COL4A6: variants seen among roughly 807,000 people sequenced by gnomAD.
The protein encoded by COL4A6 is collagen type IV alpha 6 chain.
COL4A6 carries 59 observed loss-of-function variants against 126.7 expected under a neutral mutation model. That is an observed-to-expected ratio of 0.47 (90% CI 0.38 to 0.58). The LOEUF is 0.58. Among genes scored for constraint, COL4A6 ranks in the 20% least tolerant of loss-of-function variants. COL4A6 has a pLI of 0.00. For synonymous variants in COL4A6, 547 were observed against 496.6 expected, an observed-to-expected ratio of 1.10 and a Z score of -1.35; for missense variants, 1,285 against 1,337.3, an observed-to-expected ratio of 0.96 and a Z score of 0.61.
Position 108,206,513 on chromosome X carries a change from C to G in COL4A6, c.609+5G>C. ...GATCACAAACTAGGCTTAAATTGAT[C>G]TTACTTGTAATCCTGGTGGTCCTGC... is the stretch of plus-strand genomic sequence containing the variant. On this transcript the variant is annotated splice_donor_5th_base_variant and intron_variant, in intron 9 of 44. Transcript: ENST00000334504. 8.3e-7 allele frequency: 1 copy of G among 1,208,058 alleles called. No homozygotes were observed. The highest frequency in any genetic ancestry group is 1.1e-6 in the Non-Finnish European group (1 of 892,436).
chrX:108,213,884 T>TA (rs771228812), intron 6 of COL4A6: 200 of 338,057 alleles, frequency 5.9e-4, no homozygotes, highest in Non-Finnish European at 6.4e-4. Context: ...CAAGCTGCAT[T>TA]AAAAAAAAGG....
At chrX:108,429,847 T>C in intron 2 of COL4A6, among the ~76,000 whole-genome samples, 1 of 111,964 alleles carries the variant, frequency 8.9e-6, no homozygotes, top group Middle Eastern at 4.6e-3. Context: ...TATTTTTCCA[T>C]CAATTCAATT....
chrX:108,349,063 T>C (rs148835070), intron 2 of COL4A6, among the ~76,000 whole-genome samples: 1 of 111,566 alleles, frequency 9.0e-6, no homozygotes, highest in African/African-American at 3.3e-5. Flanking sequence ...ACCATGGAAA[T>C]TGGCAAAAGC....
At chrX:108,278,036 T>C (rs2037669753) in intron 3 of COL4A6, among the ~76,000 whole-genome samples, 2 of 111,010 alleles carry the variant, frequency 1.8e-5, no homozygotes, top group South Asian at 3.8e-4. Context: ...ACCACAAAGA[T>C]GGGGAAAAAA....
chrX:108,305,473 C>T (rs2038603645), intron 3 of COL4A6, among the ~76,000 whole-genome samples: 1 of 111,395 alleles, frequency 9.0e-6, no homozygotes, highest in Non-Finnish European at 1.9e-5. Flanking sequence ...ATGGGGGAGC[C>T]ATTGAAGGAC....
chrX:108,277,478 G>A (rs2037643613), intron 3 of COL4A6, among the ~76,000 whole-genome samples: 1 of 112,567 alleles, frequency 8.9e-6, no homozygotes, highest in Non-Finnish European at 1.9e-5. Context: ...GGTAAACAAA[G>A]CAGCCCTGAA....
At chrX:108,253,753 C>A (rs1007106142) in intron 3 of COL4A6, among the ~76,000 whole-genome samples, 2 of 111,790 alleles carry the variant, frequency 1.8e-5, no homozygotes, top group African/African-American at 6.5e-5. Context: ...GGAACGTATC[C>A]ATAACCCCTA....
intron 3 of COL4A6, among the ~76,000 whole-genome samples, chrX:108,257,485 G>A (rs778170072): frequency 9.0e-6 from 1 of 111,657 alleles, no homozygotes; most frequent in East Asian, 2.8e-4. Flanking sequence ...GAATACTAAG[G>A]TAGACCCATT....
intron 44 of COL4A6, among the ~76,000 whole-genome samples, chrX:108,159,210 C>A (rs1018833517): frequency 8.9e-6 from 1 of 111,869 alleles, no homozygotes; most frequent in African/African-American, 3.3e-5. Flanking sequence ...ATGGAGACGG[C>A]GGGGCATTGA....
intron 2 of COL4A6, among the ~76,000 whole-genome samples, chrX:108,333,310 A>C (rs2039351437): frequency 8.9e-6 from 1 of 111,864 alleles, no homozygotes; most frequent in South Asian, 3.7e-4. Context: ...AATTAAAAAC[A>C]AAAATCATAT....
At chrX:108,229,484 G>A (rs967645782) in intron 3 of COL4A6, among the ~76,000 whole-genome samples, 5 of 111,731 alleles carry the variant, frequency 4.5e-5, no homozygotes, top group Admixed American at 9.5e-5. Context: ...CTTCAGCTCC[G>A]GAGTTTCAGA....
intron 44 of COL4A6, 128 bp downstream of exon 44, chrX:108,159,334 C>A: frequency 1.2e-6 from 1 of 817,558 alleles, no homozygotes; most frequent in Non-Finnish European, 1.7e-6. Context: ...ATTCTTTAGC[C>A]AAGCCCAGTC....
chrX:108,409,177 T>C (rs2041276820), intron 2 of COL4A6, among the ~76,000 whole-genome samples: 1 of 111,252 alleles, frequency 9.0e-6, no homozygotes, highest in Admixed American at 9.6e-5. Flanking sequence ...ACTTTGTGGT[T>C]GTAATGCCTA....
intron 17 of COL4A6, among the ~76,000 whole-genome samples, chrX:108,193,304 C>T (rs2148164416): frequency 8.9e-6 from 1 of 111,969 alleles, no homozygotes; most frequent in East Asian, 2.8e-4. Context: ...TAGTATCAAA[C>T]TGAAGTCAGC....
chrX:108,206,410 C>T (rs2035545090), intron 9 of COL4A6, 108 bp downstream of exon 9: 1 of 828,958 alleles, frequency 1.2e-6, no homozygotes, highest in Non-Finnish European at 1.8e-6. Flanking sequence ...GTTGCCCTTG[C>T]TCACCCAGGA....
intron 3 of COL4A6, among the ~76,000 whole-genome samples, chrX:108,241,437 C>T (rs2036568233): frequency 9.3e-6 from 1 of 107,799 alleles, no homozygotes; most frequent in Admixed American, 1.0e-4. Context: ...CTTTTAATCA[C>T]TATGCTGAAC....
intron 3 of COL4A6, among the ~76,000 whole-genome samples, chrX:108,231,694 C>G (rs184224446): frequency 8.9e-6 from 1 of 111,771 alleles, no homozygotes; most frequent in Admixed American, 9.5e-5. Context: ...ATGCTCTGAA[C>G]GCAGAGACAC....
intron 34 of COL4A6, 40 bp downstream of exon 34, chrX:108,170,770 C>T (rs2034275636): frequency 1.7e-6 from 2 of 1,204,334 alleles, no homozygotes; most frequent in South Asian, 1.8e-5. Flanking sequence ...TGAAGCTAAT[C>T]CAAACTCTTT....
chrX:108,297,889 C>T (rs1330705816), intron 3 of COL4A6, among the ~76,000 whole-genome samples: 1 of 109,714 alleles, frequency 9.1e-6, no homozygotes, highest in East Asian at 2.9e-4. Context: ...CTTCCCTCCC[C>T]TCTCCTGTCT....
Sources: allele counts gnomAD v4.1 joint callset (sites outside exome capture counted in the v4.1 genomes callset), GRCh38; gene constraint gnomAD v4.1.1; transcripts MANE v1.5; gene names NCBI Gene and HGNC (gene_info 2026-07-23, HGNC 2026-07-21).